RASGEF1A: variants seen among roughly 807,000 people sequenced by gnomAD.
RASGEF1A encodes RasGEF domain family member 1A.
RASGEF1A carries 18 observed loss-of-function variants against 56.4 expected under a neutral mutation model. The ratio of observed to expected loss-of-function variants is 0.32; its 90% CI spans 0.22 to 0.47. The LOEUF (loss-of-function observed/expected upper bound fraction) is 0.47, where lower values mean the gene tolerates loss of function less well. Among genes scored for constraint, RASGEF1A ranks in the 20% least tolerant of loss-of-function variants. The pLI is 1.00. For synonymous variants in RASGEF1A, 245 were observed against 242.6 expected (o/e 1.01, Z -0.09); for missense variants, 422 against 627.1 (o/e 0.67, Z 3.49).
chr10:43,220,506 G>A (rs570005520), intron 1 of RASGEF1A, among the ~76,000 whole-genome samples: 9 of 152,178 alleles, frequency 5.9e-5, no homozygotes, highest in Non-Finnish European at 1.3e-4. Context: ...CTATCTCACC[G>A]GGTGTGGTGG....
chr10:43,254,310 T>A (rs1310131606), intron 1 of RASGEF1A, among the ~76,000 whole-genome samples: 1 of 152,162 alleles, frequency 6.6e-6, no homozygotes, highest in African/African-American at 2.4e-5. Flanking sequence ...GCCATGTAGG[T>A]AGACCCCCCC....
intron 1 of RASGEF1A, among the ~76,000 whole-genome samples, chr10:43,217,706 G>A (rs1454937616): frequency 6.6e-6 from 1 of 152,182 alleles, no homozygotes; most frequent in Admixed American, 6.5e-5. Context: ...ACTCTGCCCA[G>A]GTTGGCCCCA....
At chr10:43,229,803 G>T in intron 1 of RASGEF1A, 1 of 1,206,386 alleles carries the variant, frequency 8.3e-7, no homozygotes, top group Non-Finnish European at 1.1e-6. Context: ...CGGAAGCAGG[G>T]AACCGAGGGG....
chr10:43,242,143 A>C lies in RASGEF1A; in HGVS notation c.-7+24702T>G, dbSNP rs539869065. ...ACAGAACGAGACTCCATCTCAAAAA[A>C]ATAAATAAATAAGAAAGTGAAAATA... On this transcript the variant is annotated intron_variant, in intron 1 of 12. Coordinates refer to ENST00000395810, the MANE Select transcript of RASGEF1A (RefSeq NM_145313.4). Among the ~76,000 whole-genome samples the C allele has an allele frequency of 1.3e-4, 20 of 152,338 alleles. No individual in the cohort carries two copies. The East Asian group carries it at 3.9e-3, about 29-fold the overall frequency.
At chr10:43,250,250 T>C (rs1365731628) in intron 1 of RASGEF1A, among the ~76,000 whole-genome samples, 1 of 152,054 alleles carries the variant, frequency 6.6e-6, no homozygotes, top group Middle Eastern at 3.2e-3. Context: ...CTGGTTTCAC[T>C]ACAGCTGGGG....
At chr10:43,266,481 G>A (rs1023896696) in intron 1 of RASGEF1A, among the ~76,000 whole-genome samples, 2 of 151,622 alleles carry the variant, frequency 1.3e-5, no homozygotes, top group Non-Finnish European at 3.0e-5. Context: ...CCCCACGCCA[G>A]GCCCCGGGCA....
chr10:43,229,661 C>T lies in RASGEF1A; in HGVS notation c.-6-23539G>A, dbSNP rs973086490. ...CCTGGGGCTCCAGGAACATTCTGGC[C>T]GCCGGCTCCCCGCGCCGTCCTGCCC... is the stretch of plus-strand genomic sequence containing the variant. On this transcript the variant is annotated intron_variant, in intron 1 of 12. Coordinates refer to ENST00000395810, the MANE Select transcript of RASGEF1A (RefSeq NM_145313.4). The T allele has an allele frequency of 5.7e-5, 85 of 1,491,318 alleles. No homozygotes were observed. The African/African-American group carries it at 1.1e-3, about 20-fold the overall frequency. 92.4% of individuals were successfully genotyped at this position (1,491,318 alleles called of 1,614,324 possible).
At chr10:43,237,148 C>A (rs1337931021) in intron 1 of RASGEF1A, among the ~76,000 whole-genome samples, 1 of 151,806 alleles carries the variant, frequency 6.6e-6, no homozygotes. Flanking sequence ...GTCTCATAAC[C>A]AGCCTAGCCT....
chr10:43,244,004 G>A (rs1840540156), intron 1 of RASGEF1A, among the ~76,000 whole-genome samples: 1 of 152,212 alleles, frequency 6.6e-6, no homozygotes, highest in African/African-American at 2.4e-5. Context: ...TGTGTAGAAA[G>A]AAGTAGACAT....
chr10:43,201,085 G>A (rs1349260680), intron 4 of RASGEF1A, among the ~76,000 whole-genome samples, 197 bp from the exon 5 acceptor site: 2 of 152,216 alleles, frequency 1.3e-5, no homozygotes, highest in Non-Finnish European at 2.9e-5. Context: ...CTGAGGAGGG[G>A]TCTCAGTGGG....
At chr10:43,213,550 G>A (rs12416428) in intron 1 of RASGEF1A, among the ~76,000 whole-genome samples, 23,935 of 152,172 alleles carry the variant, frequency 0.16, 2,628 homozygotes, top group East Asian at 0.51. Flanking sequence ...CTGGGAGAGA[G>A]AGGAAAAGGG....
In RASGEF1A at chr10:43,262,050, C is replaced by G. The variant is rs551136476; in HGVS notation, c.-7+4795G>C. On this transcript the variant is annotated intron_variant, in intron 1 of 12. Coordinates refer to ENST00000395810, the MANE Select transcript of RASGEF1A (RefSeq NM_145313.4). ...AGCTGTGGCTGGGGTCCAGGACACA[C>G]CCGGATGCACTCAAGGCTGCCTGAC... 1.7e-3 allele frequency among the ~76,000 whole-genome samples: 258 copies of G among 152,252 alleles called. 2 individuals carry two copies. Among genetic ancestry groups the G allele is most frequent in the Non-Finnish European group, 3.1e-3 (213 of 68,008 alleles).
chr10:43,199,582 T>A lies in RASGEF1A; in HGVS notation c.849+94A>T, dbSNP rs1279268331. ...CAACAGGGACTTTGTGCATTCACTC[T>A]TAAAGTTCCATCATCTAATTCCTGG... On this transcript the variant is annotated intron_variant, in intron 7 of 12. Coordinates refer to ENST00000395810, the MANE Select transcript of RASGEF1A (RefSeq NM_145313.4). 12 of 1,028,500 alleles carry A rather than the reference T, an allele frequency of 1.2e-5. No homozygotes were observed. The East Asian group carries it at 2.7e-4, about 23-fold the overall frequency. The allele number at this position is 1,028,500 out of a possible 1,614,324, so 63.7% of individuals were successfully genotyped here. A position where few individuals can be genotyped will look rare whatever the true frequency, so the allele number is the denominator to read the frequency against.
intron 2 of RASGEF1A, among the ~76,000 whole-genome samples, chr10:43,204,268 A>G (rs944553439): frequency 2.1e-4 from 32 of 152,058 alleles, no homozygotes; most frequent in Non-Finnish European, 1.5e-5. Flanking sequence ...CCCAGCCCAT[A>G]TAACCCGGTT....
chr10:43,199,101 C>A lies in RASGEF1A; in HGVS notation c.943G>T (p.Ala315Ser). ...GTGCCCAGTCACTCACAGATGATGGCCATCATGGAGTTGAAGTTCCCGATG... is the reference window on the plus strand; with the variant it reads ...GTGCCCAGTCACTCACAGATGATGGACATCATGGAGTTGAAGTTCCCGATG... ...FNIGNFNSMMAIISGMNLSPV... is the reference protein window; with the variant it reads ...FNIGNFNSMMSIISGMNLSPV... The change falls in exon 8 of 13, where the codon GCC becomes TCC. Residue 315 changes from alanine to serine, a missense_variant. Coordinates refer to ENST00000395810, the MANE Select transcript of RASGEF1A (RefSeq NM_145313.4). 6.2e-7 allele frequency: 1 copy of A among 1,613,724 alleles called. No individual in the cohort carries two copies.
intron 1 of RASGEF1A, among the ~76,000 whole-genome samples, chr10:43,239,499 C>T (rs75013220): frequency 5.9e-5 from 9 of 152,160 alleles, no homozygotes; most frequent in Admixed American, 1.3e-4. Context: ...ATTAACTAAA[C>T]GCTTGCAGAA....
chr10:43,238,643 G>A (rs1419885432), intron 1 of RASGEF1A, among the ~76,000 whole-genome samples: 1 of 152,182 alleles, frequency 6.6e-6, no homozygotes, highest in Non-Finnish European at 1.5e-5. Flanking sequence ...GCAGGGCAGG[G>A]GAGAGGCTGT....
intron 1 of RASGEF1A, among the ~76,000 whole-genome samples, chr10:43,232,914 G>A (rs751803935): frequency 7.9e-5 from 12 of 152,106 alleles, no homozygotes; most frequent in South Asian, 6.2e-4. Flanking sequence ...CAGAAGCTCC[G>A]TGACTCCCAC....
rs963583398 is a variant in RASGEF1A, at chr10:43,196,241, G to A, written c.*3C>T. ...TCCTCTGGCGTCGCGGGCTGCATCC[G>A]CCTCAGGCTCTGTTCAGAAGGGTGG... On this transcript the variant is annotated 3_prime_UTR_variant, in exon 13 of 13. Coordinates refer to ENST00000395810, the MANE Select transcript of RASGEF1A (RefSeq NM_145313.4). This position sits in a 1 kb window ranked among gnomAD's most constrained non-coding sequence, Gnocchi z 4.6. The A allele has an allele frequency of 1.9e-6, 3 of 1,612,682 alleles. No homozygotes were observed. The highest frequency in any genetic ancestry group is 1.7e-5 in the Admixed American group (1 of 59,926).
Sources: allele counts gnomAD v4.1 joint callset (sites outside exome capture counted in the v4.1 genomes callset), GRCh38; gene constraint gnomAD v4.1.1; non-coding constraint Gnocchi (gnomAD v3.1); transcripts MANE v1.5; gene names NCBI Gene and HGNC (gene_info 2026-07-23, HGNC 2026-07-21).